Variants in SPIRE1 observed in about 807,000 individuals in gnomAD.
The protein encoded by SPIRE1 is spire type actin nucleation factor 1, also known as protein spire homolog 1.
Under a neutral mutation model 94.1 loss-of-function variants are expected in SPIRE1, and 40 were observed. That is an observed-to-expected ratio of 0.43 (90% CI 0.33 to 0.55). The LOEUF (loss-of-function observed/expected upper bound fraction) is 0.55, where lower values mean the gene tolerates loss of function less well. Among genes scored for constraint, SPIRE1 ranks in the 20% least tolerant of loss-of-function variants. The probability of loss-of-function intolerance (pLI) is 0.06; values close to 1 mark genes in which losing one functional copy is unlikely to be tolerated. For missense variants in SPIRE1, 838 were observed against 975.2 expected, an observed-to-expected ratio of 0.86 and a Z score of 1.87; for synonymous variants, 376 against 371.7, an observed-to-expected ratio of 1.01 and a Z score of -0.13.
intron 2 of SPIRE1, among the ~76,000 whole-genome samples, chr18:12,603,504 G>C (rs1406931782): frequency 2.6e-5 from 4 of 151,996 alleles, no homozygotes; most frequent in Admixed American, 2.0e-4. Context: ...ATGATTAGAG[G>C]ACTGGGACTT....
At chr18:12,588,813 CT>C (rs2036455827) in intron 2 of SPIRE1, among the ~76,000 whole-genome samples, 1 of 152,052 alleles carries the variant, frequency 6.6e-6, no homozygotes, top group Non-Finnish European at 1.5e-5. Flanking sequence ...TTTATTAAGC[CT>C]TTAACACTTT....
At chr18:12,486,512 C>CA (rs1460882117) in intron 8 of SPIRE1, among the ~76,000 whole-genome samples, 3 of 152,124 alleles carry the variant, frequency 2.0e-5, no homozygotes, top group Non-Finnish European at 4.4e-5. Context: ...TGTTAATAAA[C>CA]TATCTATTGT....
At chr18:12,535,394 A>T in intron 4 of SPIRE1, 82 bp downstream of exon 4, 1 of 1,439,568 alleles carries the variant, frequency 6.9e-7, no homozygotes, top group South Asian at 1.2e-5. Flanking sequence ...GACAATATTG[A>T]AAATTTAGGT....
intron 2 of SPIRE1, among the ~76,000 whole-genome samples, chr18:12,619,111 C>T (rs1236249519): frequency 6.6e-6 from 1 of 151,890 alleles, no homozygotes; most frequent in African/African-American, 2.4e-5. Context: ...CTCGAACTCC[C>T]ACTTGAACTC....
chr18:12,546,577 G>T, intron 3 of SPIRE1, 97 bp downstream of exon 3: 2 of 923,982 alleles, frequency 2.2e-6, no homozygotes, highest in Non-Finnish European at 1.7e-6. Context: ...CTCTAGCCTG[G>T]GCGACAGAGT....
intron 2 of SPIRE1, among the ~76,000 whole-genome samples, chr18:12,629,409 T>A (rs1261895036): frequency 6.6e-6 from 1 of 152,220 alleles, no homozygotes; most frequent in African/African-American, 2.4e-5. Flanking sequence ...AAAATTGGAA[T>A]AAAAGCTACC....
At chr18:12,647,974 G>C (rs937033399) in intron 1 of SPIRE1, among the ~76,000 whole-genome samples, 1 of 152,150 alleles carries the variant, frequency 6.6e-6, no homozygotes, top group African/African-American at 2.4e-5. Flanking sequence ...GCATATCAAA[G>C]GAACCCAGGA....
chr18:12,585,232 T>C (rs1598497450), intron 2 of SPIRE1, among the ~76,000 whole-genome samples: 1 of 152,172 alleles, frequency 6.6e-6, no homozygotes, highest in African/African-American at 2.4e-5. Flanking sequence ...ACATATATGT[T>C]TGTGTGACAT....
At chr18:12,529,323 T>C (rs1359313321) in intron 4 of SPIRE1, among the ~76,000 whole-genome samples, 1 of 150,914 alleles carries the variant, frequency 6.6e-6, no homozygotes, top group Non-Finnish European at 1.5e-5. Flanking sequence ...GAGCTGATAT[T>C]GCGCCACTGC....
rs573942766 is a variant in SPIRE1, at chr18:12,472,941, C to T, written c.1404+6758G>A. Among the ~76,000 whole-genome samples, 54 of 152,142 alleles carry T rather than the reference C, an allele frequency of 3.5e-4. 1 individual carries two copies. The South Asian group carries it at 0.011, about 30-fold the overall frequency. ...CCAAGTAGCTGGGATTACAGGCATGCATCACAAAGCCTGGCTATTTTTTTT... is the reference window on the plus strand; with the variant it reads ...CCAAGTAGCTGGGATTACAGGCATGTATCACAAAGCCTGGCTATTTTTTTT... On this transcript the variant is annotated intron_variant, in intron 10 of 16. Coordinates refer to ENST00000409402, the MANE Select transcript of SPIRE1 (RefSeq NM_001128626.2).
Position 12,449,777 on chromosome 18 carries a change from T to G in SPIRE1, c.2132A>C (p.Glu711Ala), listed in dbSNP as rs1453405353. The G allele has an allele frequency of 6.2e-7, 1 of 1,614,154 alleles. No individual in the cohort carries two copies. ...ACTGCGCCGGCTTGAACTGATGATTTCCGAAATGAACTTCTTGCAGTCCAC... is the reference window on the plus strand; with the variant it reads ...ACTGCGCCGGCTTGAACTGATGATTGCCGAAATGAACTTCTTGCAGTCCAC... Reference protein sequence around the residue: ...VCVDCKKFISEIISSSRRSLV... With the variant: ...VCVDCKKFISAIISSSRRSLV... Residue 711 changes from glutamate (E) to alanine (A), a missense_variant, in exon 17 of 17, where the codon GAA becomes GCA. Around this residue, in one of 2 missense-constraint regions of SPIRE1, gnomAD observed 645 missense variants for 804.7 expected, o/e 0.80. Transcript: ENST00000409402.
chr18:12,456,863 G>A (rs1465294143), intron 12 of SPIRE1, among the ~76,000 whole-genome samples: 4 of 152,184 alleles, frequency 2.6e-5, no homozygotes, highest in East Asian at 1.9e-4. Context: ...TTTGAGACAA[G>A]GTCTCGCTCT....
intron 16 of SPIRE1, chr18:12,450,924 A>C: frequency 1.5e-6 from 1 of 688,042 alleles, no homozygotes; most frequent in Non-Finnish European, 2.6e-6. Context: ...TCTGACTATA[A>C]GTTGAAAGGA....
intron 2 of SPIRE1, among the ~76,000 whole-genome samples, chr18:12,597,983 G>GC (rs1322830529): frequency 6.6e-6 from 1 of 152,206 alleles, no homozygotes; most frequent in African/African-American, 2.4e-5. Context: ...GGCCAGGGAC[G>GC]CATGTGCAGA....
chr18:12,514,834 A>C (rs2034148783), intron 4 of SPIRE1, among the ~76,000 whole-genome samples: 3 of 152,226 alleles, frequency 2.0e-5, no homozygotes, highest in Non-Finnish European at 4.4e-5. Context: ...TAAATAGGTA[A>C]AATAAAATAA....
chr18:12,551,302 T>C (rs569233822), intron 2 of SPIRE1, among the ~76,000 whole-genome samples: 81 of 152,338 alleles, frequency 5.3e-4, no homozygotes, highest in African/African-American at 1.9e-3. Flanking sequence ...AATTGGTAAG[T>C]TGTTTTATAA....
chr18:12,479,176 C>CTTTTTTT (rs35129611), intron 10 of SPIRE1, among the ~76,000 whole-genome samples: 2 of 122,834 alleles, frequency 1.6e-5, no homozygotes, highest in Non-Finnish European at 3.4e-5. Context: ...TTTTCTTTTT[C>CTTTTTTT]TTTTTTTTTT....
intron 1 of SPIRE1, among the ~76,000 whole-genome samples, chr18:12,646,515 T>C (rs1206659001): frequency 2.6e-5 from 4 of 152,084 alleles, no homozygotes; most frequent in Non-Finnish European, 4.4e-5. Context: ...ATCGCTAACA[T>C]GGTATTTTCA....
intron 2 of SPIRE1, among the ~76,000 whole-genome samples, chr18:12,622,213 A>G (rs1462215977): frequency 6.6e-6 from 1 of 152,174 alleles, no homozygotes; most frequent in Non-Finnish European, 1.5e-5. Flanking sequence ...CTGCACCACT[A>G]TTATTATGGT....
Sources: gnomAD v4.1 joint callset for allele counts (sites outside exome capture counted in the v4.1 genomes callset) on GRCh38, gnomAD v4.1.1 for gene constraint, gnomAD v4.1.1 regional missense constraint, MANE v1.5 for transcripts, NCBI Gene and HGNC (gene_info 2026-07-23, HGNC 2026-07-21) for gene names.